The following ZNF549 variants were observed in gnomAD, a reference collection of about 807,000 sequenced individuals.
ZNF549 encodes the protein zinc finger protein 549.
Under a neutral mutation model 11.1 loss-of-function variants are expected in ZNF549, and 11 were observed. The observed-to-expected ratio is 0.99, with a 90% CI of 0.62 to 1.64. The LOEUF (loss-of-function observed/expected upper bound fraction) is 1.64, where lower values mean the gene tolerates loss of function less well. ZNF549 is among the 40% of genes most tolerant of loss of function. ZNF549 has a pLI of 0.00. For synonymous variants in ZNF549, 266 were observed against 269.1 expected, an observed-to-expected ratio of 0.99 and a Z score of 0.11; for missense variants, 748 against 765.1, an observed-to-expected ratio of 0.98 and a Z score of 0.26.
In ZNF549 at chr19:57,539,086, T is replaced by A. The variant is rs1344150803; in HGVS notation, c.*159T>A. The A allele has an allele frequency of 1.3e-6, 1 of 784,232 alleles. No homozygotes were observed. The highest frequency in any genetic ancestry group is 2.0e-6 in the Non-Finnish European group (1 of 505,620). The allele number at this position is 784,232 out of a possible 1,614,324, so 48.6% of individuals were successfully genotyped here. Reference sequence around the variant, plus strand: ...AGTACTTGGGAAGCTTTCTAGAGATTACTTGTACTTTCTAATCTGCCCAGT... The same window carrying A: ...AGTACTTGGGAAGCTTTCTAGAGATAACTTGTACTTTCTAATCTGCCCAGT... On this transcript the variant is annotated 3_prime_UTR_variant, in exon 4 of 4. Coordinates refer to ENST00000376233, the MANE Select transcript of ZNF549 (RefSeq NM_001199295.2).
At position 57,538,144 on chromosome 19, in the gene ZNF549, G is replaced by C; in HGVS notation, c.1140G>C (p.Gln380His). 5.6e-6 allele frequency: 9 copies of C among 1,613,764 alleles called. No individual in the cohort carries two copies. Among genetic ancestry groups the C allele is most frequent in the Non-Finnish European group, 7.6e-6 (9 of 1,179,600 alleles). Residue 380 changes from glutamine to histidine, a missense_variant, in exon 4 of 4, where the codon CAG becomes CAC. Gln to His is a conservative substitution (Grantham distance 24). Transcript: ENST00000376233. Reference protein sequence around the residue: ...FIHSYDRIRHQRVHTGEGAYQ... With the variant: ...FIHSYDRIRHHRVHTGEGAYQ... ...ATTCCTATGACCGCATTCGACACCA[G>C]AGAGTTCACACTGGAGAAGGGGCTT... is the stretch of plus-strand genomic sequence containing the variant.
rs2089933938 is a variant in ZNF549, at chr19:57,537,909, G to A, written c.905G>A (p.Arg302Lys). 4 of 1,613,316 alleles carry A rather than the reference G, an allele frequency of 2.5e-6. No individual in the cohort carries two copies. Among genetic ancestry groups the A allele is most frequent in the Non-Finnish European group, 3.4e-6 (4 of 1,179,782 alleles). ...CAGCAGAGAATTCACACTAGAGAAA[G>A]GTCTTATGTGTGCATCGAATGTGGG... ...GHQQRIHTRE[R>K]SYVCIECGKS... is the part of the protein sequence containing the mutation. The change falls in exon 4 of 4, where the codon AGG becomes AAG. Residue 302 changes from arginine (R) to lysine (K), a missense_variant. Transcript: ENST00000376233.
chr19:57,529,909 T>TA (rs2089896880), intron 1 of ZNF549, among the ~76,000 whole-genome samples: 1 of 151,856 alleles, frequency 6.6e-6, no homozygotes, highest in African/African-American at 2.4e-5. Context: ...ATAAAATAAA[T>TA]AAATAAATAA....
intron 2 of ZNF549, among the ~76,000 whole-genome samples, chr19:57,534,847 C>G (rs561029999): frequency 6.6e-6 from 1 of 152,288 alleles, no homozygotes; most frequent in African/African-American, 2.4e-5. Context: ...CAGTCACGAT[C>G]TGGAGATGTG....
rs1206189864 is a variant in ZNF549 at position 57,538,213 on chromosome 19, A to G, written c.1209A>G (p.Ser403=). 5 of 1,614,016 alleles carry G rather than the reference A, an allele frequency of 3.1e-6. No individual in the cohort carries two copies. The highest frequency in any genetic ancestry group is 4.2e-6 in the Non-Finnish European group (5 of 1,180,004). ...GGAAATCCTTCATATACAAACAGTC[A>G]CTTCTTGATCACCATAGAATCCACA... ...ECGKSFIYKQ[S]LLDHHRIHTG... The change falls in exon 4 of 4, where the codon TCA becomes TCG. Residue 403 remains serine, a synonymous_variant. Transcript: ENST00000376233.
intron 3 of ZNF549, among the ~76,000 whole-genome samples, chr19:57,535,810 G>GACCC (rs1600165059): frequency 6.6e-6 from 1 of 152,142 alleles, no homozygotes; most frequent in East Asian, 1.9e-4. Flanking sequence ...TACCTTCCAG[G>GACCC]ACCCAGATAG....
In ZNF549 at chr19:57,538,530, G is replaced by C. The variant is rs140660235; in HGVS notation, c.1526G>C (p.Gly509Ala). 1.2e-6 allele frequency: 2 copies of C among 1,613,994 alleles called. No individual in the cohort carries two copies. The highest frequency in any genetic ancestry group is 1.7e-6 in the Non-Finnish European group (2 of 1,180,026). Residue 509 changes from glycine (G) to alanine (A), a missense_variant, in exon 4 of 4, where the codon GGC becomes GCC. Transcript: ENST00000376233. Reference sequence around the variant, plus strand: ...TATGAATGCAGTGAATGTGGAAAAGGCTTCTACCTTGAGGTTAAACTTCTT... The same window carrying C: ...TATGAATGCAGTGAATGTGGAAAAGCCTTCTACCTTGAGGTTAAACTTCTT... ...RPYECSECGK[G>A]FYLEVKLLQH...
Position 57,540,058 on chromosome 19 carries a change from T to C in ZNF549, c.*1131T>C, listed in dbSNP as rs911419786. On this transcript the variant is annotated 3_prime_UTR_variant, in exon 4 of 4. Coordinates refer to ENST00000376233, the MANE Select transcript of ZNF549 (RefSeq NM_001199295.2). ...AAAGATTTTGTGGACTCATAACTTATGTACTGTTTTTGAGATGATTGCTGC... is the reference window on the plus strand; with the variant it reads ...AAAGATTTTGTGGACTCATAACTTACGTACTGTTTTTGAGATGATTGCTGC... 2.0e-5 allele frequency: 3 copies of C among 152,236 alleles called. No individual in the cohort carries two copies. The highest frequency in any genetic ancestry group is 4.8e-5 in the African/African-American group (2 of 41,466). 9.4% of individuals were successfully genotyped at this position (152,236 alleles called of 1,614,324 possible).
At position 57,539,638 on chromosome 19, in the gene ZNF549, C is replaced by T. The variant is rs1457441206; in HGVS notation, c.*711C>T. On this transcript the variant is annotated 3_prime_UTR_variant, in exon 4 of 4. Coordinates refer to ENST00000376233, the MANE Select transcript of ZNF549 (RefSeq NM_001199295.2). ...ATTTATTTGTAGGTCCAGAGGTCTC[C>T]CTGAGAAGAGGCATTTGTGACAAAC... 2 of 152,084 alleles carry T rather than the reference C, an allele frequency of 1.3e-5. No individual in the cohort carries two copies. Among genetic ancestry groups the T allele is most frequent in the Admixed American group, 1.3e-4 (2 of 15,282 alleles). The allele number at this position is 152,084 out of a possible 1,614,324, so 9.4% of individuals were successfully genotyped here. A position where few individuals can be genotyped will look rare whatever the true frequency, so the allele number is the denominator to read the frequency against.
chr19:57,527,591 A>T lies in ZNF549; in HGVS notation c.18A>T (p.Leu6=). The part of the protein sequence containing the change: MAEAA[L]VITPQIPMVT... ...AAAGTCCCATGGCCGAGGCAGCGCTAGTGATTACGCCGCAGGTGAGAGCGG... is the reference window on the plus strand; with the variant it reads ...AAAGTCCCATGGCCGAGGCAGCGCTTGTGATTACGCCGCAGGTGAGAGCGG... The change falls in exon 1 of 4, where the codon CTA becomes CTT. Residue 6 remains leucine, a synonymous_variant. Transcript: ENST00000376233. The T allele has an allele frequency of 6.2e-7, 1 of 1,613,746 alleles. No homozygotes were observed. Among genetic ancestry groups the T allele is most frequent in the Non-Finnish European group, 8.5e-7 (1 of 1,179,948 alleles).
At chr19:57,529,591 C>A (rs1859068) in intron 1 of ZNF549, among the ~76,000 whole-genome samples, 1 of 152,046 alleles carries the variant, frequency 6.6e-6, no homozygotes, top group African/African-American at 2.4e-5. Flanking sequence ...ACACTACTTA[C>A]AATGGTGCAC....
rs1392319065 is a variant in ZNF549, at chr19:57,538,331, A to G, written c.1327A>G (p.Lys443Glu). The G allele has an allele frequency of 3.7e-6, 6 of 1,614,014 alleles. No individual in the cohort carries two copies. The highest frequency in any genetic ancestry group is 1.3e-5 in the African/African-American group (1 of 74,968). Residue 443 changes from lysine to glutamate, a missense_variant, in exon 4 of 4, where the codon AAG becomes GAG. Coordinates refer to ENST00000376233, the MANE Select transcript of ZNF549 (RefSeq NM_001199295.2). Reference sequence around the variant, plus strand: ...GCACCAGAGAATTCATACTGGAGAAAAGCCTTATGTGTGCATCATATGTGG... The same window carrying G: ...GCACCAGAGAATTCATACTGGAGAAGAGCCTTATGTGTGCATCATATGTGG... ...LEHQRIHTGE[K>E]PYVCIICGKS...
chr19:57,535,263 C>T lies in ZNF549; in HGVS notation c.192C>T (p.Ala64=). 2 of 1,613,840 alleles carry T rather than the reference C, an allele frequency of 1.2e-6. No individual in the cohort carries two copies. The highest frequency in any genetic ancestry group is 1.7e-6 in the Non-Finnish European group (2 of 1,179,792). Residue 64 remains alanine (A), a synonymous_variant, in exon 3 of 4, where the codon GCC becomes GCT. Transcript: ENST00000376233. ...DVMLENFSLM[A]SVGCLHGIEA... ...TGCTGGAGAACTTTTCGCTTATGGC[C>T]TCAGTAGGTAAGATCTCTTAAAACC...
chr19:57,538,338 A>T lies in ZNF549; in HGVS notation c.1334A>T (p.Tyr445Phe). ...HQRIHTGEKP[Y>F]VCIICGKSFI... is the part of the protein sequence containing the mutation. ...AGAATTCATACTGGAGAAAAGCCTTATGTGTGCATCATATGTGGGAAATCA... is the reference window on the plus strand; with the variant it reads ...AGAATTCATACTGGAGAAAAGCCTTTTGTGTGCATCATATGTGGGAAATCA... The change falls in exon 4 of 4, where the codon TAT becomes TTT. Residue 445 changes from tyrosine (Y) to phenylalanine (F), a missense_variant. By Grantham distance (22) the Tyr-to-Phe change is conservative. Transcript: ENST00000376233. 1.2e-6 allele frequency: 2 copies of T among 1,613,888 alleles called. No homozygotes were observed. Among genetic ancestry groups the T allele is most frequent in the Non-Finnish European group, 1.7e-6 (2 of 1,179,968 alleles).
Position 57,537,233 on chromosome 19 carries a change from GC to G in ZNF549, c.233del (p.Pro78LeufsTer19). 2 of 1,613,926 alleles carry G rather than the reference GC, an allele frequency of 1.2e-6. No individual in the cohort carries two copies. Among genetic ancestry groups the G allele is most frequent in the Non-Finnish European group, 1.7e-6 (2 of 1,179,872 alleles). On this transcript the variant is annotated frameshift_variant, in exon 4 of 4. Coordinates refer to ENST00000376233, the MANE Select transcript of ZNF549 (RefSeq NM_001199295.2). LOFTEE classifies it low-confidence loss of function (END_TRUNC). Reference protein sequence around the residue: ...GCLHGIEAEEAPSEQTLSAQG... With the variant: ...GCLHGIEAEEXPSEQTLSAQG... ...TTTGCATGGAATAGAGGCTGAGGAG[GC>G]CCCTTCTGAGCAGACTCTTTCTGCG...
At chr19:57,528,134 C>G (rs914931170) in intron 1 of ZNF549, among the ~76,000 whole-genome samples, 1 of 152,230 alleles carries the variant, frequency 6.6e-6, no homozygotes, top group East Asian at 1.9e-4. Flanking sequence ...CTGAAGGGAC[C>G]TAAGTAATAA....
chr19:57,528,635 A>C (rs573939167), intron 1 of ZNF549, among the ~76,000 whole-genome samples: 1 of 152,300 alleles, frequency 6.6e-6, no homozygotes, highest in East Asian at 1.9e-4. Context: ...CACACTGCAT[A>C]GGATGGATTT....
At chr19:57,528,908 A>G (rs909656196) in intron 1 of ZNF549, among the ~76,000 whole-genome samples, 1 of 152,256 alleles carries the variant, frequency 6.6e-6, no homozygotes, top group Admixed American at 6.5e-5. Flanking sequence ...TTCCTGGCAC[A>G]GAATTCCTAA....
In ZNF549 at chr19:57,538,658, A is replaced by C; in HGVS notation, c.1654A>C (p.Thr552Pro). 1 of 1,614,230 alleles carries C rather than the reference A, an allele frequency of 6.2e-7. No individual in the cohort carries two copies. The highest frequency in any genetic ancestry group is 8.5e-7 in the Non-Finnish European group (1 of 1,180,030). ...KRLLEHQKVHTGEKPCECSEC... is the reference protein window; with the variant it reads ...KRLLEHQKVHPGEKPCECSEC... The stretch of plus-strand genomic sequence containing the variant: ...ACTTCTTGAGCACCAGAAAGTTCAC[A>C]CTGGCGAAAAGCCCTGTGAGTGCAG... The change falls in exon 4 of 4, where the codon ACT becomes CCT. Residue 552 changes from threonine (T) to proline (P), a missense_variant. Thr to Pro is a conservative substitution (Grantham distance 38). Transcript: ENST00000376233.
Sources: gnomAD v4.1 joint callset for allele counts (sites outside exome capture counted in the v4.1 genomes callset) on GRCh38, gnomAD v4.1.1 for gene constraint, MANE v1.5 for transcripts, NCBI Gene and HGNC (gene_info 2026-07-23, HGNC 2026-07-21) for gene names.